CCDC25: variants seen among roughly 807,000 people sequenced by gnomAD.
The protein encoded by CCDC25 is coiled-coil domain containing 25.
In CCDC25, 16 loss-of-function variants were observed where a neutral mutation model predicts 35.3. The ratio of observed to expected loss-of-function variants is 0.45; its 90% CI spans 0.31 to 0.69. The LOEUF is 0.69. CCDC25 is among the 30% of genes least tolerant of loss of function. CCDC25 has a pLI of 0.06. For synonymous variants in CCDC25, 79 were observed against 80.3 expected (o/e 0.98, Z 0.09); for missense variants, 179 against 250.7 (o/e 0.71, Z 1.93).
intron 7 of CCDC25, 141 bp downstream of exon 7, chr8:27,747,936 A>T: frequency 1.3e-6 from 1 of 781,292 alleles, no homozygotes; most frequent in Non-Finnish European, 2.0e-6. Flanking sequence ...TTTTTAAAAA[A>T]CTGATTTAAG....
At chr8:27,752,108 A>C (rs1254287746) in intron 5 of CCDC25, among the ~76,000 whole-genome samples, 1 of 152,266 alleles carries the variant, frequency 6.6e-6, no homozygotes, top group Non-Finnish European at 1.5e-5. Flanking sequence ...CTAGAATCTA[A>C]TGACAAATAA....
At chr8:27,752,056 G>A (rs1803830881) in intron 5 of CCDC25, among the ~76,000 whole-genome samples, 1 of 152,120 alleles carries the variant, frequency 6.6e-6, no homozygotes, top group Non-Finnish European at 1.5e-5. Flanking sequence ...AAGAGGAGGA[G>A]GGAAAGAAAA....
intron 8 of CCDC25, among the ~76,000 whole-genome samples, chr8:27,738,329 T>A (rs919924485): frequency 1.3e-5 from 2 of 152,138 alleles, no homozygotes; most frequent in Admixed American, 6.5e-5. Flanking sequence ...ACAAGGAGAA[T>A]TAGTCTATTC....
rs1461971885 is a variant in CCDC25 at position 27,733,517 on chromosome 8, A to G, written c.*2699T>C. 1 of 152,212 alleles carries G rather than the reference A, an allele frequency of 6.6e-6. No individual in the cohort carries two copies. Among genetic ancestry groups the G allele is most frequent in the Non-Finnish European group, 1.5e-5 (1 of 68,038 alleles). 9.4% of individuals were successfully genotyped at this position (152,212 alleles called of 1,614,324 possible). ...GATGTGAGCTTGCTCTGGCAGCAGC[A>G]GTGCTGTCCTTGTTTCTGAGCTGCC... is the stretch of plus-strand genomic sequence containing the variant. On this transcript the variant is annotated 3_prime_UTR_variant, in exon 9 of 9. Transcript: ENST00000356537.
intron 3 of CCDC25, among the ~76,000 whole-genome samples, chr8:27,758,966 G>A (rs1468517086): frequency 6.6e-6 from 1 of 151,986 alleles, no homozygotes; most frequent in Non-Finnish European, 1.5e-5. Flanking sequence ...GGGGAGAATG[G>A]ATGAAAGTAT....
At chr8:27,758,295 A>G (rs1563454952) in intron 3 of CCDC25, among the ~76,000 whole-genome samples, 1 of 152,210 alleles carries the variant, frequency 6.6e-6, no homozygotes, top group Non-Finnish European at 1.5e-5. Flanking sequence ...CACCTAGTAC[A>G]AGATGTAGAC....
intron 5 of CCDC25, among the ~76,000 whole-genome samples, chr8:27,748,914 G>A (rs763595612): frequency 1.3e-5 from 2 of 152,030 alleles, no homozygotes; most frequent in Non-Finnish European, 2.9e-5. Flanking sequence ...GACTGAATAT[G>A]TTTCCTCAGA....
intron 1 of CCDC25, among the ~76,000 whole-genome samples, chr8:27,772,294 T>C (rs1300680674): frequency 6.6e-6 from 1 of 152,208 alleles, no homozygotes; most frequent in Non-Finnish European, 1.5e-5. Flanking sequence ...AGCAGTGGCA[T>C]CGCCCCTCCG....
chr8:27,769,432 C>G (rs1296710785), intron 1 of CCDC25, among the ~76,000 whole-genome samples: 1 of 152,202 alleles, frequency 6.6e-6, no homozygotes, highest in African/African-American at 2.4e-5. Flanking sequence ...AAAATACATT[C>G]AGTACCTATA....
intron 5 of CCDC25, among the ~76,000 whole-genome samples, chr8:27,750,236 G>A (rs1425255095): frequency 6.6e-6 from 1 of 152,210 alleles, no homozygotes; most frequent in East Asian, 1.9e-4. Context: ...GCTTCATCGA[G>A]GAGGCTCACA....
rs1469746318 is a variant in CCDC25, at chr8:27,748,522, C to T, written c.321G>A (p.Gly107=). ...CCTTCTGCCTGTGAAAGCCTATCTG[C>T]CCCACATCCATGTCAGCTGTTTTCT... is the stretch of plus-strand genomic sequence containing the variant. ...NLKKTADMDV[G]QIGFHRQKDV... Residue 107 remains glycine (G), a synonymous_variant, in exon 6 of 9, where the codon GGG becomes GGA. Coordinates refer to ENST00000356537, the MANE Select transcript of CCDC25 (RefSeq NM_018246.3). 4 of 1,612,808 alleles carry T rather than the reference C, an allele frequency of 2.5e-6. No homozygotes were observed. Among genetic ancestry groups the T allele is most frequent in the Non-Finnish European group, 3.4e-6 (4 of 1,179,816 alleles).
intron 2 of CCDC25, among the ~76,000 whole-genome samples, chr8:27,764,828 C>T (rs35951849): frequency 0.43 from 65,121 of 151,976 alleles, 14,218 homozygotes; most frequent in East Asian, 0.62. Flanking sequence ...ATTTACTATT[C>T]ATGTTACTTC....
chr8:27,767,524 C>T (rs1309377013), intron 1 of CCDC25, among the ~76,000 whole-genome samples: 1 of 152,080 alleles, frequency 6.6e-6, no homozygotes, highest in Non-Finnish European at 1.5e-5. Context: ...AAGTGAGGGG[C>T]ATTCTACAAA....
chr8:27,746,016 C>T (rs879763057), intron 7 of CCDC25, among the ~76,000 whole-genome samples: 3 of 152,104 alleles, frequency 2.0e-5, no homozygotes, highest in Non-Finnish European at 4.4e-5. Flanking sequence ...CCAGAAGATA[C>T]GAAACTGTGT....
Position 27,734,106 on chromosome 8 carries a change from C to A in CCDC25, c.*2110G>T, listed in dbSNP as rs1477353121. ...ATCACTTATTCTGCTAATGTCAGTGCCTTTCAATAAACTTCTCAACATCTG... is the reference window on the plus strand; with the variant it reads ...ATCACTTATTCTGCTAATGTCAGTGACTTTCAATAAACTTCTCAACATCTG... On this transcript the variant is annotated 3_prime_UTR_variant, in exon 9 of 9. Transcript: ENST00000356537. The A allele has an allele frequency of 6.6e-6, 1 of 152,198 alleles. No homozygotes were observed. The highest frequency in any genetic ancestry group is 2.4e-5 in the African/African-American group (1 of 41,452). 9.4% of individuals were successfully genotyped at this position (152,198 alleles called of 1,614,324 possible). A position where few individuals can be genotyped will look rare whatever the true frequency, so the allele number is the denominator to read the frequency against.
chr8:27,765,861 C>A (rs1804383613), intron 1 of CCDC25, among the ~76,000 whole-genome samples: 1 of 152,202 alleles, frequency 6.6e-6, no homozygotes. Context: ...AGCTCCACCT[C>A]AGATCAACTC....
At chr8:27,759,448 A>T (rs1482408554) in intron 3 of CCDC25, among the ~76,000 whole-genome samples, 1 of 149,982 alleles carries the variant, frequency 6.7e-6, no homozygotes, top group Non-Finnish European at 1.5e-5. Flanking sequence ...CACCACTAAA[A>T]ATACAAAAAA....
At chr8:27,760,854 G>A (rs1168981694) in intron 3 of CCDC25, among the ~76,000 whole-genome samples, 3 of 152,166 alleles carry the variant, frequency 2.0e-5, no homozygotes, top group Non-Finnish European at 2.9e-5. Context: ...GGCTGGGCGC[G>A]GTGGCTCACG....
At chr8:27,748,674 G>A (rs1803690352) in intron 5 of CCDC25, 76 bp from the exon 6 acceptor site, 4 of 1,044,874 alleles carry the variant, frequency 3.8e-6, no homozygotes, top group Non-Finnish European at 5.9e-6. Flanking sequence ...CTGGCAAACT[G>A]CCATAAGCCA....
Sources: gnomAD v4.1 joint callset for allele counts (sites outside exome capture counted in the v4.1 genomes callset) on GRCh38, gnomAD v4.1.1 for gene constraint, MANE v1.5 for transcripts, NCBI Gene and HGNC (gene_info 2026-07-23, HGNC 2026-07-21) for gene names.